The following UNC13C variants were observed in gnomAD, a reference collection of about 807,000 sequenced individuals.
UNC13C encodes the protein unc-13 homolog C.
A neutral mutation model predicts 245.4 loss-of-function variants in UNC13C; 174 were observed. That is an observed-to-expected ratio of 0.71 (90% CI 0.63 to 0.80). The LOEUF is 0.80. UNC13C is among the 30% of genes least tolerant of loss of function. The probability of loss-of-function intolerance (pLI) is 0.00; values close to 1 mark genes in which losing one functional copy is unlikely to be tolerated. For synonymous variants in UNC13C, 992 were observed against 895.1 expected (o/e 1.11, Z -1.93); for missense variants, 2,829 against 2,602.9 (o/e 1.09, Z -1.89).
chr15:54,450,077 G>A, intron 19 of UNC13C, among the ~76,000 whole-genome samples: 1 of 152,222 alleles, frequency 6.6e-6, no homozygotes, highest in East Asian at 1.9e-4. Flanking sequence ...AGTGGAGGCT[G>A]CAGAACAGTG....
intron 17 of UNC13C, among the ~76,000 whole-genome samples, chr15:54,371,928 G>A (rs2039495436): frequency 6.6e-6 from 1 of 152,090 alleles, no homozygotes; most frequent in Non-Finnish European, 1.5e-5. Context: ...AGTGATGGTA[G>A]CCAGAGGCTG....
the UNC13C span, among the ~76,000 whole-genome samples, chr15:53,862,052 G>T: frequency 6.6e-6 from 1 of 152,112 alleles, no homozygotes; most frequent in African/African-American, 2.4e-5. Context: ...AGACTGGGTA[G>T]CTTAAACAAC....
chr15:54,446,797 G>A lies in UNC13C; in HGVS notation c.4933+31730G>A, dbSNP rs138958162. On this transcript the variant is annotated intron_variant, in intron 19 of 32. Coordinates refer to ENST00000260323, the MANE Select transcript of UNC13C (RefSeq NM_001080534.3). ...CGCCCTTTATTTCTTTCTCCTGCCT[G>A]ATTGCCCTGGCCAGAACTTCCAACA... Among the ~76,000 whole-genome samples the A allele has an allele frequency of 3.2e-3, 493 of 152,244 alleles. 1 individual carries two copies. Among genetic ancestry groups the A allele is most frequent in the African/African-American group, 0.011 (473 of 41,536 alleles).
intron 17 of UNC13C, among the ~76,000 whole-genome samples, chr15:54,374,935 C>G (rs2039573117): frequency 6.6e-6 from 1 of 152,228 alleles, no homozygotes; most frequent in African/African-American, 2.4e-5. Flanking sequence ...TTTATTTGTA[C>G]TGCTCTATAA....
rs1320295648 is a variant in UNC13C at position 54,069,295 on chromosome 15, G to C, written c.2983+53409G>C. On this transcript the variant is annotated intron_variant, in intron 2 of 32. Transcript: ENST00000260323. ...TGGCTAAATCCCTTTTTGTGCAAAGGTTCTATGATACCAGTCTATGACATT... is the reference window on the plus strand; with the variant it reads ...TGGCTAAATCCCTTTTTGTGCAAAGCTTCTATGATACCAGTCTATGACATT... 2.0e-5 allele frequency among the ~76,000 whole-genome samples: 3 copies of C among 152,252 alleles called. No individual in the cohort carries two copies. In the East Asian group the frequency reaches 5.8e-4, roughly 29 times the overall value.
intron 4 of UNC13C, among the ~76,000 whole-genome samples, chr15:54,230,335 TA>T (rs1275034922): frequency 6.6e-6 from 1 of 152,114 alleles, no homozygotes; most frequent in East Asian, 1.9e-4. Flanking sequence ...ATTTCAGTAA[TA>T]ATTAGTTGTA....
At chr15:53,874,645 C>A in the UNC13C span, among the ~76,000 whole-genome samples, 2 of 152,158 alleles carry the variant, frequency 1.3e-5, no homozygotes, top group Non-Finnish European at 2.9e-5. Context: ...TCCTGTATAT[C>A]CAAAGTCTAT....
chr15:54,436,824 G>A (rs1368609339), intron 19 of UNC13C, among the ~76,000 whole-genome samples: 1 of 151,550 alleles, frequency 6.6e-6, no homozygotes, highest in Admixed American at 6.6e-5. Flanking sequence ...AGAACTTAAA[G>A]TAAAATTAAG....
chr15:54,001,747 CAGAG>C (rs1227662337), intron 1 of UNC13C, among the ~76,000 whole-genome samples: 11 of 152,130 alleles, frequency 7.2e-5, no homozygotes, highest in Admixed American at 7.2e-4. Flanking sequence ...AACTGAGAAA[CAGAG>C]AGATTAAATA....
At chr15:53,969,488 G>T in the UNC13C span, among the ~76,000 whole-genome samples, 1 of 152,100 alleles carries the variant, frequency 6.6e-6, no homozygotes, top group Non-Finnish European at 1.5e-5. Flanking sequence ...TTTGAGGCCA[G>T]CCTGGTCAAT....
chr15:54,121,375 T>C (rs754202556), intron 2 of UNC13C, among the ~76,000 whole-genome samples: 1 of 152,088 alleles, frequency 6.6e-6, no homozygotes, highest in Non-Finnish European at 1.5e-5. Context: ...ATGCACATTA[T>C]TTTTTAGACC....
intron 2 of UNC13C, among the ~76,000 whole-genome samples, chr15:54,059,022 A>C (rs989699784): frequency 3.3e-5 from 5 of 152,188 alleles, no homozygotes; most frequent in Admixed American, 3.3e-4. Context: ...ATGGACAAAA[A>C]CTGGAAGCAT....
chr15:54,442,738 A>G (rs1890598964), intron 19 of UNC13C, among the ~76,000 whole-genome samples: 1 of 152,048 alleles, frequency 6.6e-6, no homozygotes, highest in Non-Finnish European at 1.5e-5. Flanking sequence ...TGATTTACAT[A>G]TATTGAGCTA....
intron 30 of UNC13C, among the ~76,000 whole-genome samples, chr15:54,589,912 A>G (rs1479891270): frequency 6.6e-6 from 1 of 152,116 alleles, no homozygotes; most frequent in Non-Finnish European, 1.5e-5. Context: ...TAGAATTTTT[A>G]TAGTTTCAGG....
At chr15:54,050,351 C>A in intron 2 of UNC13C, 1 of 562,872 alleles carries the variant, frequency 1.8e-6, no homozygotes, top group South Asian at 1.4e-5. Context: ...TACTGAATAC[C>A]ATTCCTCAGA....
chr15:54,137,041 C>T (rs2031773477), intron 2 of UNC13C, among the ~76,000 whole-genome samples: 1 of 151,996 alleles, frequency 6.6e-6, no homozygotes, highest in Non-Finnish European at 1.5e-5. Flanking sequence ...CTTGCCCCAG[C>T]TAGTCTTGCC....
At chr15:54,032,613 G>C (rs1896406005) in intron 2 of UNC13C, among the ~76,000 whole-genome samples, 1 of 152,136 alleles carries the variant, frequency 6.6e-6, no homozygotes, top group South Asian at 2.1e-4. Flanking sequence ...GGTTTTCTAG[G>C]CTGGAAGGGA....
At position 54,013,129 on chromosome 15, in the gene UNC13C, T is replaced by A; in HGVS notation, c.226T>A (p.Ser76Thr). 6.2e-7 allele frequency: 1 copy of A among 1,613,846 alleles called. No individual in the cohort carries two copies. Among genetic ancestry groups the A allele is most frequent in the Admixed American group, 1.7e-5 (1 of 59,972 alleles). The change falls in exon 2 of 33, where the codon TCC (serine) becomes ACC (threonine). Residue 76 changes from serine to threonine, a missense_variant. Physicochemically the swap from Ser to Thr is moderately conservative, Grantham distance 58. Coordinates refer to ENST00000260323, the MANE Select transcript of UNC13C (RefSeq NM_001080534.3). ...AAAGTGTTCATCCACTCACAACTTA[T>A]CCACTGAGGAAGACGAGGCCAGTAA... ...IAKCSSTHNL[S>T]TEEDEASKEF...
chr15:54,388,129 A>G lies in UNC13C; in HGVS notation c.4714-4919A>G, dbSNP rs141488135. Among the ~76,000 whole-genome samples, 849 of 151,978 alleles carry G rather than the reference A, an allele frequency of 5.6e-3. 9 individuals are homozygous for G. Among genetic ancestry groups the G allele is most frequent in the African/African-American group, 0.02 (817 of 41,448 alleles). On this transcript the variant is annotated intron_variant, in intron 17 of 32. Transcript: ENST00000260323. ...AAACACAAATATCCTACTGACCTCA[A>G]TTTCCTGTCCTGCCTTTTTCACTCC...
Sources: gnomAD v4.1 joint callset for allele counts (sites outside exome capture counted in the v4.1 genomes callset) on GRCh38, gnomAD v4.1.1 for gene constraint, MANE v1.5 for transcripts, NCBI Gene and HGNC (gene_info 2026-07-23, HGNC 2026-07-21) for gene names.